Variants in ATP10B observed in about 807,000 individuals in gnomAD.
ATP10B encodes phospholipid-transporting ATPase VB.
Under a neutral mutation model 141.2 loss-of-function variants are expected in ATP10B, and 122 were observed. The observed-to-expected ratio is 0.86, with a 90% CI of 0.75 to 1.00. The LOEUF (loss-of-function observed/expected upper bound fraction) is 1.00. ATP10B is among the 50% of genes least tolerant of loss of function. The pLI, the probability that ATP10B is intolerant of heterozygous loss-of-function variation, is 0.00. For missense variants in ATP10B, 1,876 were observed against 1,825.3 expected, an observed-to-expected ratio of 1.03 and a Z score of -0.51; for synonymous variants, 685 against 692.0, an observed-to-expected ratio of 0.99 and a Z score of 0.16.
the ATP10B span, among the ~76,000 whole-genome samples, chr5:160,869,333 G>A: frequency 1.3e-5 from 2 of 151,818 alleles, no homozygotes; most frequent in Non-Finnish European, 2.9e-5. Context: ...CTTAGCTACT[G>A]TCATATATCA....
chr5:160,830,662 ATTTT>A (rs372642494), intron 1 of ATP10B, among the ~76,000 whole-genome samples: 12 of 149,992 alleles, frequency 8.0e-5, no homozygotes, highest in African/African-American at 2.7e-4. Context: ...GAAACTCTGG[ATTTT>A]TTTTTTAAGT....
intron 13 of ATP10B, among the ~76,000 whole-genome samples, chr5:160,628,300 C>T (rs904978486): frequency 3.3e-5 from 5 of 152,196 alleles, no homozygotes; most frequent in Non-Finnish European, 7.3e-5. Flanking sequence ...CCCCCCACCC[C>T]GATTTGAGAC....
intron 1 of ATP10B, among the ~76,000 whole-genome samples, chr5:160,792,874 C>T (rs925203111): frequency 1.3e-5 from 2 of 152,142 alleles, no homozygotes; most frequent in East Asian, 1.9e-4. Flanking sequence ...GACGTTAACC[C>T]TAAAATGACA....
intron 1 of ATP10B, among the ~76,000 whole-genome samples, chr5:160,808,342 T>C (rs1427481570): frequency 3.3e-5 from 5 of 152,188 alleles, no homozygotes; most frequent in Non-Finnish European, 5.9e-5. Context: ...TGTAGCATAT[T>C]CCCTATGAGG....
rs192763764 is a variant in ATP10B, at chr5:160,803,531, C to A, written c.-575-17728G>T. The stretch of plus-strand genomic sequence containing the variant: ...TCCCTACTAAAAATACAAAAATTAG[C>A]CGGGCGTGGTGGTGCATGCCTGTAA... On this transcript the variant is annotated intron_variant, in intron 1 of 25. Transcript: ENST00000327245. 7.9e-5 allele frequency among the ~76,000 whole-genome samples: 12 copies of A among 152,184 alleles called. No homozygotes were observed. In the East Asian group the frequency reaches 2.1e-3, roughly 27 times the overall value.
chr5:160,912,402 C>T, the ATP10B span, among the ~76,000 whole-genome samples: 6 of 140,852 alleles, frequency 4.3e-5, no homozygotes, highest in Non-Finnish European at 9.1e-5. Context: ...TATCGTGAAA[C>T]CCTGTTTCTA....
chr5:160,796,801 CT>C (rs1165663403), intron 1 of ATP10B, among the ~76,000 whole-genome samples: 1 of 152,136 alleles, frequency 6.6e-6, no homozygotes, highest in Non-Finnish European at 1.5e-5. Context: ...CCCACCTGCA[CT>C]TGGAGGACAA....
the ATP10B span, among the ~76,000 whole-genome samples, chr5:160,877,709 A>T: frequency 5.2e-4 from 73 of 141,614 alleles, no homozygotes; most frequent in South Asian, 0.014. Flanking sequence ...AAATCAATGT[A>T]CAAAAATCAC....
At chr5:160,787,972 C>T (rs983766110) in intron 1 of ATP10B, among the ~76,000 whole-genome samples, 1 of 152,178 alleles carries the variant, frequency 6.6e-6, no homozygotes, top group African/African-American at 2.4e-5. Context: ...TAGCAACAAT[C>T]ACTAATGGTC....
At chr5:160,635,175 G>T (rs1223726256) in intron 11 of ATP10B, among the ~76,000 whole-genome samples, 1 of 152,216 alleles carries the variant, frequency 6.6e-6, no homozygotes, top group African/African-American at 2.4e-5. Flanking sequence ...ATGGCTGGGT[G>T]GGATGCTTGT....
the ATP10B span, among the ~76,000 whole-genome samples, chr5:160,867,843 A>G: frequency 6.6e-6 from 1 of 152,178 alleles, no homozygotes; most frequent in Non-Finnish European, 1.5e-5. Flanking sequence ...AAAAGCATTA[A>G]GTAAATCACT....
At chr5:160,843,668 A>G (rs1561916841) in intron 1 of ATP10B, among the ~76,000 whole-genome samples, 1 of 152,162 alleles carries the variant, frequency 6.6e-6, no homozygotes, top group Non-Finnish European at 1.5e-5. Flanking sequence ...TCTAAACTAT[A>G]TTTAAAAAGT....
the ATP10B span, among the ~76,000 whole-genome samples, chr5:160,896,490 C>T: frequency 2.0e-5 from 3 of 152,078 alleles, no homozygotes; most frequent in African/African-American, 4.8e-5. Flanking sequence ...TAAGACTAAA[C>T]CAGGAAGAAG....
intron 6 of ATP10B, among the ~76,000 whole-genome samples, chr5:160,671,969 C>CTTTT (rs70990741): frequency 0.028 from 1,899 of 68,358 alleles, 136 homozygotes; most frequent in African/African-American, 0.047. Context: ...GCAATGCATC[C>CTTTT]TTTTTTTTTT....
intron 2 of ATP10B, among the ~76,000 whole-genome samples, chr5:160,783,709 C>T (rs916925944): frequency 2.0e-5 from 3 of 151,688 alleles, no homozygotes; most frequent in African/African-American, 7.3e-5. Flanking sequence ...GTGCAAGTAT[C>T]TTTTTCGTAT....
At chr5:160,862,181 T>C in the ATP10B span, among the ~76,000 whole-genome samples, 43 of 152,132 alleles carry the variant, frequency 2.8e-4, no homozygotes, top group Non-Finnish European at 5.0e-4. Flanking sequence ...TGAACACTAA[T>C]CTAGATGTTG....
At chr5:160,679,999 T>TG (rs963750178) in intron 6 of ATP10B, among the ~76,000 whole-genome samples, 5 of 152,334 alleles carry the variant, frequency 3.3e-5, no homozygotes, top group Non-Finnish European at 5.9e-5. Context: ...ATCTGATTAA[T>TG]GGGTCACCTT....
At chr5:160,586,154 G>C (rs764081768) in intron 24 of ATP10B, among the ~76,000 whole-genome samples, 16 of 152,094 alleles carry the variant, frequency 1.1e-4, no homozygotes, top group Admixed American at 1.0e-3. Flanking sequence ...ACAGTCCCCA[G>C]TGTGTGTTGT....
intron 2 of ATP10B, among the ~76,000 whole-genome samples, chr5:160,760,689 G>A (rs972759961): frequency 3.3e-5 from 5 of 152,206 alleles, no homozygotes; most frequent in African/African-American, 1.2e-4. Flanking sequence ...GAACACAGCT[G>A]GAGTGAGCCT....
Sources: allele counts gnomAD v4.1 joint callset (sites outside exome capture counted in the v4.1 genomes callset), GRCh38; gene constraint gnomAD v4.1.1; transcripts MANE v1.5; gene names NCBI Gene and HGNC (gene_info 2026-07-23, HGNC 2026-07-21).